The following GPC6 variants were observed in gnomAD, a reference collection of about 807,000 sequenced individuals.
The protein encoded by GPC6 is glypican-6.
GPC6 carries 14 observed loss-of-function variants against 55.2 expected under a neutral mutation model. The ratio of observed to expected loss-of-function variants is 0.25; its 90% CI spans 0.17 to 0.40. The LOEUF (loss-of-function observed/expected upper bound fraction) is 0.40. Among genes scored for constraint, GPC6 ranks in the 10% least tolerant of loss-of-function variants. GPC6 has a pLI of 1.00. For synonymous variants in GPC6, 278 were observed against 259.6 expected, an observed-to-expected ratio of 1.07 and a Z score of -0.68; for missense variants, 641 against 708.5, an observed-to-expected ratio of 0.90 and a Z score of 1.08.
intron 2 of GPC6, among the ~76,000 whole-genome samples, chr13:93,719,426 T>C (rs1310643784): frequency 2.0e-5 from 3 of 152,120 alleles, no homozygotes; most frequent in Non-Finnish European, 4.4e-5. Context: ...TTTTTGCACA[T>C]TGATTTTGTA....
intron 4 of GPC6, among the ~76,000 whole-genome samples, chr13:94,112,436 A>AC (rs1886281637): frequency 6.6e-6 from 1 of 152,164 alleles, no homozygotes; most frequent in Admixed American, 6.6e-5. Flanking sequence ...ATTCGCACAC[A>AC]CACTCATTAA....
At chr13:94,305,936 A>C (rs777589931) in intron 5 of GPC6, 44 bp from the exon 6 acceptor site, 4 of 1,602,032 alleles carry the variant, frequency 2.5e-6, no homozygotes, top group Non-Finnish European at 2.6e-6. Context: ...ATTTAGGAGA[A>C]AACTCATTGT....
chr13:94,143,652 C>T (rs1297171115), intron 4 of GPC6, among the ~76,000 whole-genome samples: 1 of 152,068 alleles, frequency 6.6e-6, no homozygotes, highest in Non-Finnish European at 1.5e-5. Context: ...ACTTTGGAGG[C>T]CAAGGTGGGT....
At chr13:93,522,904 C>A (rs980657687) in intron 1 of GPC6, among the ~76,000 whole-genome samples, 1 of 151,560 alleles carries the variant, frequency 6.6e-6, no homozygotes, top group Non-Finnish European at 1.5e-5. Context: ...TGTTTAGCAT[C>A]TGAAGGAGAC....
chr13:94,061,205 G>T (rs1320020716), intron 4 of GPC6, among the ~76,000 whole-genome samples: 1 of 152,138 alleles, frequency 6.6e-6, no homozygotes, highest in Non-Finnish European at 1.5e-5. Context: ...ATTCATTTTG[G>T]AATCCATGGC....
chr13:93,437,286 G>C (rs1594168684), intron 1 of GPC6, among the ~76,000 whole-genome samples: 1 of 152,256 alleles, frequency 6.6e-6, no homozygotes, highest in South Asian at 2.1e-4. Flanking sequence ...AAGTGAAAAA[G>C]AGGAGTCATG....
intron 2 of GPC6, among the ~76,000 whole-genome samples, chr13:93,666,346 A>G (rs1216370403): frequency 6.8e-6 from 1 of 147,632 alleles, no homozygotes; most frequent in Non-Finnish European, 1.5e-5. Flanking sequence ...TTATACTTTA[A>G]AAAAAAAAAG....
chr13:94,126,033 A>G (rs182270702), intron 4 of GPC6, among the ~76,000 whole-genome samples: 41 of 152,276 alleles, frequency 2.7e-4, no homozygotes, highest in Admixed American at 2.2e-3. Flanking sequence ...AAAGAAAAAT[A>G]TAAGGAGGGC....
intron 2 of GPC6, among the ~76,000 whole-genome samples, chr13:93,702,418 G>A (rs1882702513): frequency 6.6e-6 from 1 of 151,912 alleles, no homozygotes; most frequent in Non-Finnish European, 1.5e-5. Flanking sequence ...TGTAAAGTTA[G>A]CATCATTCTT....
In GPC6 at chr13:93,255,557, G is replaced by C. The variant is rs1464871717; in HGVS notation, c.160+27941G>C. Among the ~76,000 whole-genome samples the C allele has an allele frequency of 2.0e-5, 3 of 152,070 alleles. No individual in the cohort carries two copies. In the East Asian group the frequency reaches 5.8e-4, roughly 29 times the overall value. The stretch of plus-strand genomic sequence containing the variant: ...TACATGGAATTCAAGCTTTGAACTT[G>C]TGTGTTTCTTTCAATGTCATACATA... On this transcript the variant is annotated intron_variant, in intron 1 of 8. Coordinates refer to ENST00000377047, the MANE Select transcript of GPC6 (RefSeq NM_005708.5).
chr13:93,305,262 TTTTTG>T (rs1014946245), intron 1 of GPC6, among the ~76,000 whole-genome samples: 6 of 150,340 alleles, frequency 4.0e-5, no homozygotes, highest in African/African-American at 9.7e-5. Flanking sequence ...TGTGTGTGTG[TTTTTG>T]TTTTGTTTTG....
intron 4 of GPC6, among the ~76,000 whole-genome samples, chr13:94,052,367 G>T (rs1276265980): frequency 6.6e-6 from 1 of 152,158 alleles, no homozygotes; most frequent in African/African-American, 2.4e-5. Flanking sequence ...ATAGCATGTA[G>T]AGGTGGGTTG....
At chr13:93,777,819 A>C (rs1566530234) in intron 2 of GPC6, among the ~76,000 whole-genome samples, 1 of 152,104 alleles carries the variant, frequency 6.6e-6, no homozygotes, top group Non-Finnish European at 1.5e-5. Context: ...ATCTGTGTCT[A>C]TTTGTATATG....
chr13:93,720,075 A>G (rs1037604288), intron 2 of GPC6, among the ~76,000 whole-genome samples: 1 of 152,100 alleles, frequency 6.6e-6, no homozygotes, highest in East Asian at 1.9e-4. Flanking sequence ...AGGTTTTGGT[A>G]TCAGGATGAT....
At chr13:93,490,509 T>G (rs1189675798) in intron 1 of GPC6, among the ~76,000 whole-genome samples, 2 of 120,508 alleles carry the variant, frequency 1.7e-5, no homozygotes, top group Non-Finnish European at 3.6e-5. Context: ...CTTTTTTTTT[T>G]TTGAGTTTTT....
intron 2 of GPC6, among the ~76,000 whole-genome samples, chr13:93,698,909 C>T (rs540695273): frequency 2.6e-5 from 4 of 151,966 alleles, no homozygotes; most frequent in East Asian, 1.9e-4. Context: ...ACTCACATAT[C>T]GGAAAATTTG....
At chr13:93,327,631 T>C (rs1417364549) in intron 1 of GPC6, among the ~76,000 whole-genome samples, 1 of 152,148 alleles carries the variant, frequency 6.6e-6, no homozygotes, top group Non-Finnish European at 1.5e-5. Flanking sequence ...TCTCACAGTC[T>C]CAGTCTCCTT....
chr13:94,094,152 T>A (rs1230831449), intron 4 of GPC6, among the ~76,000 whole-genome samples: 3 of 151,962 alleles, frequency 2.0e-5, no homozygotes, highest in Admixed American at 2.0e-4. Flanking sequence ...AGATTGAGGG[T>A]GTTACTTTAT....
chr13:93,236,740 G>A (rs1018770413), intron 1 of GPC6, among the ~76,000 whole-genome samples: 1 of 152,092 alleles, frequency 6.6e-6, no homozygotes, highest in Non-Finnish European at 1.5e-5. Flanking sequence ...GTGCCAAAAA[G>A]GTTGGGGACT....
Sources: gnomAD v4.1 joint callset for allele counts (sites outside exome capture counted in the v4.1 genomes callset) on GRCh38, gnomAD v4.1.1 for gene constraint, MANE v1.5 for transcripts, NCBI Gene and HGNC (gene_info 2026-07-23, HGNC 2026-07-21) for gene names.